AACS: variants seen among roughly 807,000 people sequenced by gnomAD.
AACS encodes the protein acetoacetate-CoA ligase.
AACS carries 69 observed loss-of-function variants against 83.1 expected under a neutral mutation model. The ratio of observed to expected loss-of-function variants is 0.83; its 90% confidence interval spans 0.68 to 1.01. AACS has a LOEUF of 1.01. Ranked by LOEUF, AACS falls within the 50% of genes least tolerant of loss-of-function variation. The pLI, the probability that AACS is intolerant of heterozygous loss-of-function variation, is 0.00. For synonymous variants in AACS, 333 were observed against 343.4 expected, an observed-to-expected ratio of 0.97 and a Z score of 0.33; for missense variants, 866 against 882.2, an observed-to-expected ratio of 0.98 and a Z score of 0.23.
At chr12:125,114,828 CCGGGCGCCGGCCCGTGG>C (rs1210182830) in intron 9 of AACS, among the ~76,000 whole-genome samples, 5 of 151,152 alleles carry the variant, frequency 3.3e-5, no homozygotes, top group Non-Finnish European at 7.4e-5. Context: ...AAGGGCTTCC[CCGGGCGCCGGCCCGTGG>C]CACATGGTAA....
intron 6 of AACS, 59 bp downstream of exon 6, chr12:125,102,852 A>G (rs1354420420): frequency 6.5e-7 from 1 of 1,535,318 alleles, no homozygotes; most frequent in Non-Finnish European, 9.0e-7. Flanking sequence ...GGTACATAAG[A>G]GTCTGCCAGG....
chr12:125,073,234 T>C (rs544691505), intron 1 of AACS, among the ~76,000 whole-genome samples: 1 of 152,320 alleles, frequency 6.6e-6, no homozygotes, highest in African/African-American at 2.4e-5. Context: ...GGCCTCCATA[T>C]GACTTTTTAC....
Position 125,132,561 on chromosome 12 carries a change from T to G in AACS, c.1550-1442T>G, listed in dbSNP as rs138082604. Among the ~76,000 whole-genome samples the G allele has an allele frequency of 8.0e-4, 122 of 152,176 alleles. 1 individual carries two copies. Among genetic ancestry groups the G allele is most frequent in the African/African-American group, 2.9e-3 (119 of 41,532 alleles). On this transcript the variant is annotated intron_variant, in intron 14 of 17. Coordinates refer to ENST00000316519, the MANE Select transcript of AACS (RefSeq NM_023928.5). Reference sequence around the variant, plus strand: ...TCCTGCAGAAGCTAGGCACATCCATTGCAAGCCTAGGAGTGGATTTTTTTT... The same window carrying G: ...TCCTGCAGAAGCTAGGCACATCCATGGCAAGCCTAGGAGTGGATTTTTTTT...
rs1301743879 is a variant in AACS at position 125,129,058 on chromosome 12, G to A, written c.1424-277G>A. On this transcript the variant is annotated intron_variant, in intron 13 of 17. Transcript: ENST00000316519. The surrounding 1 kb of genome is among the most constrained non-coding windows in gnomAD (Gnocchi z 4.3). ...CAGAGTGACGACATATGCTATTCAA[G>A]GATGCGTGTGGATGGAGCAGAAATG... 3.4e-6 allele frequency: 1 copy of A among 290,764 alleles called. No individual in the cohort carries two copies. Among genetic ancestry groups the A allele is most frequent in the Admixed American group, 5.0e-5 (1 of 19,914 alleles). The allele number at this position is 290,764 out of a possible 1,614,324, so 18.0% of individuals were successfully genotyped here.
rs1352138454 is a variant in AACS, at chr12:125,094,584, G to C, written c.570+3061G>C. Among the ~76,000 whole-genome samples, 1 of 152,108 alleles carries C rather than the reference G, an allele frequency of 6.6e-6. No homozygotes were observed. The highest frequency in any genetic ancestry group is 2.4e-5 in the African/African-American group (1 of 41,408). The stretch of plus-strand genomic sequence containing the variant: ...AGTGCTGGGGCATCCGTCTTTACTC[G>C]ATGACACTGGGGGAACGCGTTTCTG... On this transcript the variant is annotated intron_variant, in intron 5 of 17. Transcript: ENST00000316519. The surrounding 1 kb of genome is among the most constrained non-coding windows in gnomAD (Gnocchi z 4.1).
chr12:125,108,274 G>A (rs905699811), intron 8 of AACS, among the ~76,000 whole-genome samples: 5 of 152,258 alleles, frequency 3.3e-5, no homozygotes, highest in Non-Finnish European at 7.3e-5. Context: ...GTGCCGCACA[G>A]TTGCTCTTGT....
intron 17 of AACS, chr12:125,141,424 C>G (rs1205754920): frequency 4.6e-5 from 7 of 152,310 alleles, no homozygotes; most frequent in African/African-American, 1.7e-4. Flanking sequence ...CGGTGGCTCA[C>G]GCCTGTGATC....
At chr12:125,108,009 G>T (rs1956870707) in intron 8 of AACS, among the ~76,000 whole-genome samples, 1 of 152,130 alleles carries the variant, frequency 6.6e-6, no homozygotes, top group African/African-American at 2.4e-5. Flanking sequence ...GCTCATAAGA[G>T]GTATGGGTGG....
In AACS at chr12:125,086,578, C is replaced by T. The variant is rs1385285958; in HGVS notation, c.472+135C>T. The T allele has an allele frequency of 8.0e-6, 6 of 747,510 alleles. No homozygotes were observed. The Admixed American group carries it at 1.7e-4, about 22-fold the overall frequency. 46.3% of individuals were successfully genotyped at this position (747,510 alleles called of 1,614,324 possible). On this transcript the variant is annotated intron_variant, in intron 4 of 17. Coordinates refer to ENST00000316519, the MANE Select transcript of AACS (RefSeq NM_023928.5). Reference sequence around the variant, plus strand: ...GGAACCTTGTGGGACTTGGACTCTACATGCAAGGAGAAAAAATAGACCAAG... The same window carrying T: ...GGAACCTTGTGGGACTTGGACTCTATATGCAAGGAGAAAAAATAGACCAAG...
chr12:125,080,308 G>A (rs1045942296), intron 3 of AACS, among the ~76,000 whole-genome samples: 3 of 152,212 alleles, frequency 2.0e-5, no homozygotes, highest in East Asian at 3.9e-4. Context: ...AAGTGGGAAC[G>A]GTCAAATGTG....
At chr12:125,071,189 G>A (rs1182167980) in intron 1 of AACS, among the ~76,000 whole-genome samples, 1 of 152,166 alleles carries the variant, frequency 6.6e-6, no homozygotes, top group East Asian at 1.9e-4. Context: ...CTAGGACTGC[G>A]TGAGCATCCT....
intron 3 of AACS, among the ~76,000 whole-genome samples, chr12:125,077,690 A>G (rs1698493738): frequency 6.6e-6 from 1 of 152,072 alleles, no homozygotes; most frequent in Admixed American, 6.6e-5. Context: ...TCTATATTAA[A>G]TGCCAAAATG....
At chr12:125,083,070 C>G (rs1956239097) in intron 3 of AACS, among the ~76,000 whole-genome samples, 1 of 152,174 alleles carries the variant, frequency 6.6e-6, no homozygotes, top group South Asian at 2.1e-4. Flanking sequence ...TCTTACCTCC[C>G]AGTTTCTGTG....
intron 1 of AACS, among the ~76,000 whole-genome samples, chr12:125,073,230 CA>C (rs1241442781): frequency 1.3e-5 from 2 of 152,156 alleles, no homozygotes; most frequent in African/African-American, 4.8e-5. Flanking sequence ...GTCTGGCCTC[CA>C]TATGACTTTT....
chr12:125,102,349 C>G (rs1301278357), intron 5 of AACS: 1 of 275,446 alleles, frequency 3.6e-6, no homozygotes, highest in Non-Finnish European at 7.1e-6. Flanking sequence ...CGCGCCCGGC[C>G]TCATCGACTT....
intron 16 of AACS, among the ~76,000 whole-genome samples, chr12:125,136,450 C>A (rs1957401504): frequency 6.6e-6 from 1 of 152,052 alleles, no homozygotes; most frequent in Non-Finnish European, 1.5e-5. Context: ...CTCTCTGCCT[C>A]CCCAGTGATG....
Position 125,113,443 on chromosome 12 carries a change from C to T in AACS, c.916-1034C>T, listed in dbSNP as rs931250844. Among the ~76,000 whole-genome samples the T allele has an allele frequency of 6.6e-5, 10 of 152,144 alleles. No individual in the cohort carries two copies. The highest frequency in any genetic ancestry group is 5.9e-4 in the Admixed American group (9 of 15,278). ...AGATCCGTTGGAAAGACAGGAAAAC[C>T]GAGGCTGGGAGCGTGGAGTGACGGG... On this transcript the variant is annotated intron_variant, in intron 8 of 17. Coordinates refer to ENST00000316519, the MANE Select transcript of AACS (RefSeq NM_023928.5). This position sits in a 1 kb window ranked among gnomAD's most constrained non-coding sequence, Gnocchi z 4.8.
At chr12:125,066,248 C>A (rs574065390) in intron 1 of AACS, among the ~76,000 whole-genome samples, 2 of 151,970 alleles carry the variant, frequency 1.3e-5, no homozygotes, top group African/African-American at 4.8e-5. Context: ...GTCTACACTC[C>A]CAGCCCCCAA....
At chr12:125,077,292 C>T (rs957734359) in intron 3 of AACS, among the ~76,000 whole-genome samples, 5 of 151,792 alleles carry the variant, frequency 3.3e-5, no homozygotes, top group Non-Finnish European at 5.9e-5. Flanking sequence ...GGGCGGATCA[C>T]GAGGTCAGGA....
Sources: allele counts gnomAD v4.1 joint callset (sites outside exome capture counted in the v4.1 genomes callset), GRCh38; gene constraint gnomAD v4.1.1; non-coding constraint Gnocchi (gnomAD v3.1); transcripts MANE v1.5; gene names NCBI Gene and HGNC (gene_info 2026-07-23, HGNC 2026-07-21).